WSCD2: variants seen among roughly 807,000 people sequenced by gnomAD.
WSCD2 encodes WSC domain sialate O sulfotransferase 2.
A neutral mutation model predicts 55.7 loss-of-function variants in WSCD2; 28 were observed. The observed-to-expected ratio is 0.50, with a 90% confidence interval of 0.37 to 0.69. WSCD2 has a LOEUF of 0.69. Ranked by LOEUF, WSCD2 falls within the 30% of genes least tolerant of loss-of-function variation. The pLI, the probability that WSCD2 is intolerant of heterozygous loss-of-function variation, is 0.00. For missense variants in WSCD2, 616 were observed against 762.1 expected, an observed-to-expected ratio of 0.81 and a Z score of 2.26; for synonymous variants, 301 against 301.9, an observed-to-expected ratio of 1.00 and a Z score of 0.03.
Position 108,210,299 on chromosome 12 carries a change from C to G in WSCD2, c.676C>G (p.Arg226Gly). ...GCTGCAGCTGGCCCAGGAGTCGGCC[C>G]GCAGGTGTACGTGAGTCTGCCCTGC... ...YRLQLAQESA[R>G]RYGSAVFRGC... Residue 226 changes from arginine (R) to glycine (G), a missense_variant, in exon 4 of 9, where the codon CGC (arginine) becomes GGC (glycine). Coordinates refer to ENST00000547525, the MANE Select transcript of WSCD2 (RefSeq NM_014653.4). The surrounding 1 kb of genome is among the most constrained non-coding windows in gnomAD (Gnocchi z 4.3). 1 of 1,578,370 alleles carries G rather than the reference C, an allele frequency of 6.3e-7. No homozygotes were observed. Among genetic ancestry groups the G allele is most frequent in the Non-Finnish European group, 8.6e-7 (1 of 1,164,900 alleles).
intron 2 of WSCD2, among the ~76,000 whole-genome samples, chr12:108,197,808 A>T (rs1884123643): frequency 6.6e-6 from 1 of 151,660 alleles, no homozygotes; most frequent in African/African-American, 2.4e-5. Context: ...CCCACAGTCC[A>T]ACTCTGCAAC....
intron 2 of WSCD2, among the ~76,000 whole-genome samples, chr12:108,201,847 G>C (rs1884728738): frequency 6.6e-6 from 1 of 152,000 alleles, no homozygotes; most frequent in Non-Finnish European, 1.5e-5. Context: ...AAGTAAAGGA[G>C]GAAAAAAAAC....
At chr12:108,212,045 T>C (rs1593040797) in intron 4 of WSCD2, among the ~76,000 whole-genome samples, 1 of 152,096 alleles carries the variant, frequency 6.6e-6, no homozygotes, top group African/African-American at 2.4e-5. Context: ...AACTGGCTGG[T>C]TTTTCCAAAT....
rs376425902 is a variant in WSCD2, at chr12:108,246,402, CTTGTGAGAAG to C, written c.1346-1588_1346-1579del. ...TGGCAGGCACCGGGTAGTGTTTGTCCTTGTGAGAAGCAGCAGGTCTCAGTTCATGGTTTTG... is the reference window on the plus strand; with the variant it reads ...TGGCAGGCACCGGGTAGTGTTTGTCCCAGCAGGTCTCAGTTCATGGTTTTG... On this transcript the variant is annotated intron_variant, in intron 8 of 8. Transcript: ENST00000547525. 3.3e-3 allele frequency among the ~76,000 whole-genome samples: 506 copies of C among 152,314 alleles called. 6 individuals are homozygous for C. The highest frequency in any genetic ancestry group is 0.011 in the African/African-American group (454 of 41,560).
intron 1 of WSCD2, among the ~76,000 whole-genome samples, chr12:108,191,460 CT>C (rs1215419460): frequency 1.3e-5 from 2 of 152,050 alleles, no homozygotes; most frequent in Non-Finnish European, 2.9e-5. Context: ...GGATATGGGG[CT>C]TTGGCTCAGC....
At chr12:108,212,613 TCACACA>T (rs71823965) in intron 4 of WSCD2, among the ~76,000 whole-genome samples, 4 of 138,540 alleles carry the variant, frequency 2.9e-5, no homozygotes, top group East Asian at 4.2e-4. Context: ...TCTCTCTCTC[TCACACA>T]CACACACACA....
At chr12:108,171,645 G>A (rs1306938972) in intron 1 of WSCD2, 3 of 152,026 alleles carry the variant, frequency 2.0e-5, no homozygotes, top group Non-Finnish European at 4.4e-5. Flanking sequence ...TTATATATGT[G>A]GCTCATATTG....
intron 1 of WSCD2, among the ~76,000 whole-genome samples, chr12:108,166,767 TTC>T (rs1831465137): frequency 6.8e-6 from 1 of 147,742 alleles, no homozygotes; most frequent in African/African-American, 2.5e-5. Flanking sequence ...TTTCTTTTCT[TTC>T]TTTCTTTCTT....
At chr12:108,247,047 C>T (rs1265615527) in intron 8 of WSCD2, among the ~76,000 whole-genome samples, 2 of 152,188 alleles carry the variant, frequency 1.3e-5, no homozygotes, top group Non-Finnish European at 2.9e-5. Context: ...ACAAGAGCTC[C>T]ATTATTATCC....
chr12:108,160,788 C>A (rs1309968472), intron 1 of WSCD2, among the ~76,000 whole-genome samples: 1 of 152,176 alleles, frequency 6.6e-6, no homozygotes, highest in Non-Finnish European at 1.5e-5. Flanking sequence ...CTGTGTTGTG[C>A]AGCACACTCA....
At chr12:108,198,413 C>A (rs1884231433) in intron 2 of WSCD2, among the ~76,000 whole-genome samples, 1 of 152,220 alleles carries the variant, frequency 6.6e-6, no homozygotes, top group Non-Finnish European at 1.5e-5. Context: ...GATCCCCTTA[C>A]AGGTTTGATC....
chr12:108,194,692 T>C (rs4964653), intron 1 of WSCD2, among the ~76,000 whole-genome samples: 118,202 of 152,100 alleles, frequency 0.78, 46,472 homozygotes, highest in East Asian at 0.9. Flanking sequence ...TCCTTTTCCT[T>C]CTTGGATAGA....
chr12:108,184,509 C>T (rs575478655), intron 1 of WSCD2, among the ~76,000 whole-genome samples: 17 of 152,288 alleles, frequency 1.1e-4, no homozygotes, highest in African/African-American at 3.9e-4. Context: ...TGGCAATTTG[C>T]TCGTGTTTGC....
chr12:108,196,170 G>C lies in WSCD2; in HGVS notation c.338G>C (p.Arg113Pro), dbSNP rs187550758. The change falls in exon 2 of 9, where the codon CGA (arginine) becomes CCA (proline). Residue 113 changes from arginine (R) to proline (P), a missense_variant. Physicochemically the swap from Arg to Pro is moderately radical, Grantham distance 103. Transcript: ENST00000547525. ...GGCGACTACGGTGGAGCCTGGAGCC[G>C]AGCCCTCAAGGGGAGGGTTGTCCGG... ...KLGDYGGAWS[R>P]ALKGRVVREK... is the part of the protein sequence containing the mutation. 19 of 1,613,958 alleles carry C rather than the reference G, an allele frequency of 1.2e-5. No homozygotes were observed. The highest frequency in any genetic ancestry group is 1.6e-5 in the Non-Finnish European group (19 of 1,180,010).
Position 108,210,049 on chromosome 12 carries a change from C to A in WSCD2, c.498-72C>A. The A allele has an allele frequency of 1.3e-6, 2 of 1,597,714 alleles. No homozygotes were observed. On this transcript the variant is annotated intron_variant, in intron 3 of 8. Transcript: ENST00000547525. This position sits in a 1 kb window ranked among gnomAD's most constrained non-coding sequence, Gnocchi z 4.3. ...CCCAGAGCCCTCCCATCCCCCAGGT[C>A]TCCATGTTGTGTCTCCCTGCCTCGG... is the stretch of plus-strand genomic sequence containing the variant.
Position 108,158,094 on chromosome 12 carries a change from C to G in WSCD2, c.-552+28168C>G, listed in dbSNP as rs528906408. 2.0e-5 allele frequency among the ~76,000 whole-genome samples: 3 copies of G among 152,270 alleles called. No individual in the cohort carries two copies. The South Asian group carries it at 6.2e-4, about 32-fold the overall frequency. On this transcript the variant is annotated intron_variant, in intron 1 of 8. Coordinates refer to ENST00000547525, the MANE Select transcript of WSCD2 (RefSeq NM_014653.4). ...TGCACAGCCTGTACTTACGGGATGT[C>G]TGAGGCTGTGAGCCCGGTTGTGGGC...
At chr12:108,175,406 C>A (rs755561397) in intron 1 of WSCD2, among the ~76,000 whole-genome samples, 1 of 152,242 alleles carries the variant, frequency 6.6e-6, no homozygotes, top group Non-Finnish European at 1.5e-5. Context: ...CCTCTTCCAA[C>A]CTGCCTTCTC....
rs2137049106 is a variant in WSCD2 at position 108,196,024 on chromosome 12, G to A, written c.192G>A (p.Leu64=). 3 of 1,614,222 alleles carry A rather than the reference G, an allele frequency of 1.9e-6. No individual in the cohort carries two copies. In the East Asian group the frequency reaches 6.7e-5, roughly 36 times the overall value. Residue 64 remains leucine (L), a synonymous_variant, in exon 2 of 9, where the codon CTG becomes CTA. Transcript: ENST00000547525. The part of the protein sequence containing the change: ...AAGGPAEGAE[L]SFLGDMHLGR... ...GAGGCCCAGCTGAGGGTGCTGAGCT[G>A]TCCTTCTTGGGTGACATGCATCTGG...
At chr12:108,221,637 C>T (rs971138478) in intron 4 of WSCD2, among the ~76,000 whole-genome samples, 1 of 152,178 alleles carries the variant, frequency 6.6e-6, no homozygotes, top group African/African-American at 2.4e-5. Context: ...TGCATGTGCT[C>T]ATTTAGGAGG....
Sources: gnomAD v4.1 joint callset for allele counts (sites outside exome capture counted in the v4.1 genomes callset) on GRCh38, gnomAD v4.1.1 for gene constraint, Gnocchi (gnomAD v3.1) non-coding constraint, MANE v1.5 for transcripts, NCBI Gene and HGNC (gene_info 2026-07-23, HGNC 2026-07-21) for gene names.